Variants in GRIA4 observed in about 807,000 individuals in gnomAD.
GRIA4 encodes the protein glutamate receptor 4.
A neutral mutation model predicts 104.0 loss-of-function variants in GRIA4; 34 were observed. That is an observed-to-expected ratio of 0.33 (90% CI 0.25 to 0.44). The LOEUF (loss-of-function observed/expected upper bound fraction) is 0.44, where lower values mean the gene tolerates loss of function less well. Among genes scored for constraint, GRIA4 ranks in the 20% least tolerant of loss-of-function variants. The pLI, the probability that GRIA4 is intolerant of heterozygous loss-of-function variation, is 1.00. For synonymous variants in GRIA4, 386 were observed against 381.9 expected (o/e 1.01, Z -0.13); for missense variants, 750 against 1,096.5 (o/e 0.68, Z 4.46).
chr11:105,768,935 C>T (rs7938716), intron 4 of GRIA4, among the ~76,000 whole-genome samples: 68,932 of 151,680 alleles, frequency 0.45, 16,071 homozygotes, highest in Middle Eastern at 0.53. Flanking sequence ...TGAATTAGTA[C>T]CTAAGACTTA....
intron 6 of GRIA4, among the ~76,000 whole-genome samples, chr11:105,888,009 A>C (rs896473964): frequency 3.9e-5 from 6 of 152,198 alleles, no homozygotes; most frequent in African/African-American, 1.4e-4. Flanking sequence ...ATTTTTAAAA[A>C]TTATGTCAAC....
intron 4 of GRIA4, among the ~76,000 whole-genome samples, chr11:105,766,477 G>A (rs1203341985): frequency 2.0e-5 from 3 of 151,998 alleles, no homozygotes; most frequent in Non-Finnish European, 2.9e-5. Flanking sequence ...ATTGATATGA[G>A]CTTTGGACAT....
At chr11:105,772,695 T>C (rs139246580) in intron 4 of GRIA4, among the ~76,000 whole-genome samples, 2 of 152,072 alleles carry the variant, frequency 1.3e-5, no homozygotes, top group African/African-American at 4.8e-5. Context: ...CACACACATA[T>C]TTGCATATAC....
At chr11:105,694,060 T>G (rs1953183095) in intron 3 of GRIA4, among the ~76,000 whole-genome samples, 2 of 152,298 alleles carry the variant, frequency 1.3e-5, no homozygotes, top group South Asian at 2.1e-4. Context: ...TAACTTCCAA[T>G]AAAGATACTT....
intron 3 of GRIA4, among the ~76,000 whole-genome samples, chr11:105,674,402 C>G (rs904541023): frequency 6.6e-6 from 1 of 151,510 alleles, no homozygotes; most frequent in South Asian, 2.1e-4. Context: ...AACTTAGCTA[C>G]TAGATGATCT....
intron 1 of GRIA4, 29 bp from the exon 2 acceptor site, chr11:105,610,879 T>G: frequency 2.1e-6 from 1 of 475,946 alleles, no homozygotes; most frequent in South Asian, 4.3e-5. Context: ...TCTTTTTTTT[T>G]TTTTTTTTTT....
chr11:105,927,514 T>C lies in GRIA4; in HGVS notation c.2046+575T>C, dbSNP rs560973170. On this transcript the variant is annotated intron_variant, in intron 13 of 16. Transcript: ENST00000282499. The stretch of plus-strand genomic sequence containing the variant: ...ACATTGTATGGCATTTAGTTTGTGC[T>C]GATTTCTCTGCTTTGCAGATAAAAA... Among the ~76,000 whole-genome samples the C allele has an allele frequency of 5.8e-3, 883 of 152,230 alleles. 5 individuals are homozygous for C. Among genetic ancestry groups the C allele is most frequent in the African/African-American group, 0.02 (820 of 41,556 alleles).
chr11:105,910,242 T>A (rs1947185460), intron 9 of GRIA4, among the ~76,000 whole-genome samples, 193 bp from the exon 10 acceptor site: 1 of 152,038 alleles, frequency 6.6e-6, no homozygotes, highest in Non-Finnish European at 1.5e-5. Flanking sequence ...CAAGACAGGA[T>A]CCTTAATACC....
intron 14 of GRIA4, among the ~76,000 whole-genome samples, chr11:105,962,521 A>T (rs1382514996): frequency 6.6e-6 from 1 of 152,202 alleles, no homozygotes; most frequent in East Asian, 1.9e-4. Context: ...GGGAAATTCC[A>T]GGAATAAAAA....
intron 3 of GRIA4, among the ~76,000 whole-genome samples, chr11:105,752,035 G>A (rs774904262): frequency 1.3e-5 from 2 of 152,102 alleles, no homozygotes; most frequent in East Asian, 1.9e-4. Context: ...CCTCCTTTGC[G>A]AGCTTCTGTC....
intron 4 of GRIA4, among the ~76,000 whole-genome samples, chr11:105,861,202 C>T (rs1381857927): frequency 6.6e-6 from 1 of 152,086 alleles, no homozygotes; most frequent in Non-Finnish European, 1.5e-5. Flanking sequence ...TAAACACCCC[C>T]ACCTGCATCA....
At chr11:105,793,288 C>T (rs1942297099) in intron 4 of GRIA4, among the ~76,000 whole-genome samples, 2 of 152,050 alleles carry the variant, frequency 1.3e-5, no homozygotes, top group African/African-American at 4.8e-5. Context: ...GGTTTCAAAA[C>T]TGTGGACAGC....
At chr11:105,905,422 C>T (rs1289495409) in intron 9 of GRIA4, 121 bp downstream of exon 9, 1 of 602,026 alleles carries the variant, frequency 1.7e-6, no homozygotes, top group Non-Finnish European at 3.0e-6. Context: ...CTTACAAATA[C>T]TTTAGTACTT....
chr11:105,795,603 T>C (rs1942446834), intron 4 of GRIA4, among the ~76,000 whole-genome samples: 1 of 152,038 alleles, frequency 6.6e-6, no homozygotes. Context: ...AAGCTAGTGA[T>C]GGGTGTTAAC....
At chr11:105,953,910 A>G (rs1250381715) in intron 14 of GRIA4, among the ~76,000 whole-genome samples, 1 of 152,224 alleles carries the variant, frequency 6.6e-6, no homozygotes, top group Admixed American at 6.5e-5. Flanking sequence ...CAGAGATATA[A>G]ACTCTTTCTT....
intron 4 of GRIA4, among the ~76,000 whole-genome samples, chr11:105,825,671 G>C (rs547342500): frequency 4.9e-4 from 75 of 152,052 alleles, no homozygotes; most frequent in African/African-American, 1.7e-3. Context: ...GGTGCCTCTG[G>C]GTGAAGGCTG....
At chr11:105,938,885 A>C (rs2136220893) in intron 14 of GRIA4, among the ~76,000 whole-genome samples, 1 of 152,328 alleles carries the variant, frequency 6.6e-6, no homozygotes, top group East Asian at 1.9e-4. Flanking sequence ...TAGAATCTAT[A>C]TACTGCATTC....
intron 3 of GRIA4, among the ~76,000 whole-genome samples, chr11:105,708,799 G>A (rs1953802606): frequency 6.6e-6 from 1 of 151,856 alleles, no homozygotes; most frequent in South Asian, 2.1e-4. Flanking sequence ...CCTGTGTTGG[G>A]TTGAAATAAG....
intron 3 of GRIA4, 59 bp downstream of exon 3, chr11:105,612,493 C>T: frequency 1.5e-6 from 2 of 1,298,608 alleles, no homozygotes. Context: ...CAATGGAGTC[C>T]TCTTCCTCTT....
Sources: allele counts gnomAD v4.1 joint callset (sites outside exome capture counted in the v4.1 genomes callset), GRCh38; gene constraint gnomAD v4.1.1; transcripts MANE v1.5; gene names NCBI Gene and HGNC (gene_info 2026-07-23, HGNC 2026-07-21).